The following LRRIQ1 variants were observed in gnomAD, a reference collection of about 807,000 sequenced individuals.
LRRIQ1 encodes leucine-rich repeat- and IQ domain-containing protein 1.
A neutral mutation model predicts 211.9 loss-of-function variants in LRRIQ1; 210 were observed. That is an observed-to-expected ratio of 0.99 (90% confidence interval 0.89 to 1.11). The LOEUF is 1.11. Among genes scored for constraint, LRRIQ1 ranks in the 50% most tolerant of loss-of-function variants. The pLI is 0.00. For synonymous variants in LRRIQ1, 699 were observed against 650.1 expected, an observed-to-expected ratio of 1.08 and a Z score of -1.14; for missense variants, 2,136 against 1,939.5, an observed-to-expected ratio of 1.10 and a Z score of -1.90.
At chr12:85,229,836 T>C (rs1894849042) in intron 25 of LRRIQ1, among the ~76,000 whole-genome samples, 187 bp downstream of exon 25, 1 of 152,170 alleles carries the variant, frequency 6.6e-6, no homozygotes, top group East Asian at 1.9e-4. Flanking sequence ...CACCCTGAAA[T>C]GTTTGGGAAC....
At chr12:85,135,974 T>TA (rs1889100854) in intron 18 of LRRIQ1, among the ~76,000 whole-genome samples, 1 of 151,970 alleles carries the variant, frequency 6.6e-6, no homozygotes, top group African/African-American at 2.4e-5. Context: ...AGTTTGCAGA[T>TA]AGATATTTTT....
At chr12:85,211,576 A>C (rs1414640664) in intron 24 of LRRIQ1, among the ~76,000 whole-genome samples, 5 of 152,198 alleles carry the variant, frequency 3.3e-5, no homozygotes, top group Non-Finnish European at 5.9e-5. Flanking sequence ...TCAAAAATCA[A>C]AATTGCCATT....
At chr12:85,036,914 T>A (rs771164294) in intron 1 of LRRIQ1, among the ~76,000 whole-genome samples, 1 of 152,050 alleles carries the variant, frequency 6.6e-6, no homozygotes, top group African/African-American at 2.4e-5. Flanking sequence ...ATGTAGCCCA[T>A]TTACAGTGAG....
chr12:85,067,884 C>G (rs538635950), intron 10 of LRRIQ1, among the ~76,000 whole-genome samples: 1 of 151,984 alleles, frequency 6.6e-6, no homozygotes, highest in African/African-American at 2.4e-5. Context: ...ATCTCTTCTT[C>G]CCCTTTATTG....
intron 15 of LRRIQ1, among the ~76,000 whole-genome samples, chr12:85,117,432 T>C (rs1190931021): frequency 2.0e-5 from 3 of 152,246 alleles, no homozygotes; most frequent in Admixed American, 1.3e-4. Context: ...ATCTGCTTCA[T>C]ATAACTCCAA....
chr12:85,258,724 T>A (rs1179703687), intron 1 of LRRIQ1, among the ~76,000 whole-genome samples: 1 of 151,908 alleles, frequency 6.6e-6, no homozygotes, highest in Admixed American at 6.6e-5. Context: ...AATGTTTAAT[T>A]TTTTTTCTCC....
chr12:85,083,610 T>C (rs1884518541), intron 11 of LRRIQ1, among the ~76,000 whole-genome samples: 1 of 152,100 alleles, frequency 6.6e-6, no homozygotes, highest in South Asian at 2.1e-4. Flanking sequence ...CAGCTAATTT[T>C]TGTATTTTCA....
intron 24 of LRRIQ1, among the ~76,000 whole-genome samples, chr12:85,194,626 G>T (rs192976993): frequency 6.6e-6 from 1 of 151,738 alleles, no homozygotes; most frequent in Admixed American, 6.6e-5. Flanking sequence ...TGAAACCAAC[G>T]AGAACAAAGA....
intron 20 of LRRIQ1, 46 bp from the exon 21 acceptor site, chr12:85,152,978 G>C (rs776263904): frequency 2.1e-6 from 3 of 1,413,080 alleles, no homozygotes; most frequent in Admixed American, 4.1e-5. Context: ...ATAAATGCTA[G>C]GATTTTTTAT....
intron 15 of LRRIQ1, among the ~76,000 whole-genome samples, chr12:85,108,620 A>G (rs750813429): frequency 6.6e-6 from 1 of 152,118 alleles, no homozygotes; most frequent in Non-Finnish European, 1.5e-5. Flanking sequence ...GCATATGTCC[A>G]CTGTGAAATT....
At chr12:85,180,356 A>T (rs921934923) in intron 24 of LRRIQ1, among the ~76,000 whole-genome samples, 5 of 152,090 alleles carry the variant, frequency 3.3e-5, no homozygotes, top group Non-Finnish European at 7.4e-5. Flanking sequence ...TATGTTTCTC[A>T]AAAAACTAAA....
At chr12:85,095,111 C>G (rs1885757260) in intron 11 of LRRIQ1, among the ~76,000 whole-genome samples, 1 of 152,130 alleles carries the variant, frequency 6.6e-6, no homozygotes, top group Non-Finnish European at 1.5e-5. Flanking sequence ...TTATTTCTTT[C>G]TCTTGCCTGA....
chr12:85,205,501 C>A (rs1319645494), intron 24 of LRRIQ1, among the ~76,000 whole-genome samples: 2 of 152,054 alleles, frequency 1.3e-5, no homozygotes, highest in African/African-American at 4.8e-5. Context: ...TTGTGGGTGA[C>A]CTGCCCTTCA....
intron 18 of LRRIQ1, among the ~76,000 whole-genome samples, chr12:85,130,383 C>A (rs750669107): frequency 2.0e-4 from 31 of 152,206 alleles, no homozygotes; most frequent in Non-Finnish European, 8.8e-5. Flanking sequence ...AAACTCCCGC[C>A]TGTCATCGGT....
At chr12:85,100,420 A>G (rs1886260229) in intron 13 of LRRIQ1, among the ~76,000 whole-genome samples, 1 of 151,722 alleles carries the variant, frequency 6.6e-6, no homozygotes, top group Non-Finnish European at 1.5e-5. Flanking sequence ...GAGCATGATA[A>G]TTGGAATGAT....
At chr12:85,169,347 GC>G (rs1441935284) in intron 24 of LRRIQ1, among the ~76,000 whole-genome samples, 1 of 152,086 alleles carries the variant, frequency 6.6e-6, no homozygotes, top group African/African-American at 2.4e-5. Context: ...TAAGTTGGAA[GC>G]CCTTAGATAA....
intron 11 of LRRIQ1, among the ~76,000 whole-genome samples, chr12:85,087,782 G>T (rs1257763621): frequency 6.6e-6 from 1 of 152,144 alleles, no homozygotes; most frequent in Non-Finnish European, 1.5e-5. Context: ...TCCACTTTTT[G>T]ATGGAGTTGT....
At position 85,137,906 on chromosome 12, in the gene LRRIQ1, T is replaced by G. The variant is rs61740224; in HGVS notation, c.4266T>G (p.Ile1422Met). Residue 1422 changes from isoleucine to methionine, a missense_variant, in exon 19 of 27, where the codon ATT becomes ATG. Coordinates refer to ENST00000393217, the MANE Select transcript of LRRIQ1 (RefSeq NM_001079910.2). ...AACTGACAACAGCTCTAGAGGCTAT[T>G]AAGAATGAAGAATCCGATGAAGAAT... ...RKKLTTALEA[I>M]KNEESDEEYR... 12,793 of 1,579,848 alleles carry G rather than the reference T, an allele frequency of 8.1e-3. 96 individuals are homozygous for G. Among genetic ancestry groups the G allele is most frequent in the South Asian group, 0.021 (1,824 of 88,456 alleles).
chr12:85,072,583 T>C (rs1355843794), intron 10 of LRRIQ1, among the ~76,000 whole-genome samples: 2 of 151,858 alleles, frequency 1.3e-5, no homozygotes, highest in African/African-American at 4.8e-5. Context: ...TTTGTGAATG[T>C]TACTGCCGTG....
Sources: gnomAD v4.1 joint callset for allele counts (sites outside exome capture counted in the v4.1 genomes callset) on GRCh38, gnomAD v4.1.1 for gene constraint, MANE v1.5 for transcripts, NCBI Gene and HGNC (gene_info 2026-07-23, HGNC 2026-07-21) for gene names.